PRKCSH: variants seen among roughly 807,000 people sequenced by gnomAD.
The protein encoded by PRKCSH is glucosidase 2 subunit beta.
In PRKCSH, 42 loss-of-function variants were observed where a neutral mutation model predicts 79.7. That is an observed-to-expected ratio of 0.53 (90% CI 0.41 to 0.68). The LOEUF is 0.68. Among genes scored for constraint, PRKCSH ranks in the 30% least tolerant of loss-of-function variants. The pLI, the probability that PRKCSH is intolerant of heterozygous loss-of-function variation, is 0.00. For missense variants in PRKCSH, 686 were observed against 709.0 expected (o/e 0.97, Z 0.37); for synonymous variants, 325 against 288.2 (o/e 1.13, Z -1.29).
chr19:11,446,539 G>A (rs1366820794), intron 9 of PRKCSH, among the ~76,000 whole-genome samples, 189 bp downstream of exon 9: 2 of 151,966 alleles, frequency 1.3e-5, no homozygotes, highest in Non-Finnish European at 2.9e-5. Context: ...GGTCGCGCTG[G>A]AGCCCGTTTC....
In PRKCSH at chr19:11,449,492, A is replaced by G. The variant is rs1970489774; in HGVS notation, c.*16+64A>G. On this transcript the variant is annotated intron_variant, in intron 17 of 17. Coordinates refer to ENST00000677123, the MANE Select transcript of PRKCSH (RefSeq NM_001289104.2). This position sits in a 1 kb window ranked among gnomAD's most constrained non-coding sequence, Gnocchi z 6.4. ...AAGGGGAGGCGGCGGGCCCTGAGGA[A>G]GATGGACCCACATGGCCACTCTATC... 12 of 1,600,100 alleles carry G rather than the reference A, an allele frequency of 7.5e-6. No homozygotes were observed. The highest frequency in any genetic ancestry group is 1.0e-5 in the Non-Finnish European group (12 of 1,170,256).
chr19:11,441,249 C>T lies in PRKCSH; in HGVS notation c.360C>T (p.Gly120=), dbSNP rs758286411. The T allele has an allele frequency of 1.9e-6, 3 of 1,613,958 alleles. No individual in the cohort carries two copies. The highest frequency in any genetic ancestry group is 1.1e-5 in the South Asian group (1 of 91,066). The change falls in exon 6 of 18, where the codon GGC becomes GGT. Residue 120 remains glycine, a synonymous_variant. Transcript: ENST00000677123. The stretch of plus-strand genomic sequence containing the variant: ...TGTCTCCGCACCGCAGAGAGAAGGG[C>T]CGTAAGGAGAGAGAGTCCCTGCAGC... ...VICENTCKEK[G]RKERESLQQM... is the part of the protein sequence containing the mutation.
chr19:11,435,695 C>T lies in PRKCSH; in HGVS notation c.-89C>T. Reference sequence around the variant, plus strand: ...GGGGTGCGGTGGATACTGACCTTTGCTCCGGCCTCGTGTAGGTGTGAACGA... The same window carrying T: ...GGGGTGCGGTGGATACTGACCTTTGTTCCGGCCTCGTGTAGGTGTGAACGA... On this transcript the variant is annotated 5_prime_UTR_variant, in exon 1 of 18. Transcript: ENST00000677123. 7.6e-7 allele frequency: 1 copy of T among 1,312,920 alleles called. No homozygotes were observed. Among genetic ancestry groups the T allele is most frequent in the Non-Finnish European group, 9.9e-7 (1 of 1,005,090 alleles). 81.3% of individuals were successfully genotyped at this position (1,312,920 alleles called of 1,614,324 possible).
rs1415406486 is a variant in PRKCSH, at chr19:11,445,540, G to T, written c.683+67G>T. ...CTGGGTTTCCCTCCCCGCCACCCTC[G>T]CCTCTAGAAACCAGCCAGATCCTCC... On this transcript the variant is annotated intron_variant, in intron 8 of 17. Coordinates refer to ENST00000677123, the MANE Select transcript of PRKCSH (RefSeq NM_001289104.2). 1.5e-5 allele frequency: 22 copies of T among 1,507,912 alleles called. No individual in the cohort carries two copies. The Admixed American group carries it at 3.4e-4, about 24-fold the overall frequency. 93.4% of individuals were successfully genotyped at this position (1,507,912 alleles called of 1,614,324 possible).
intron 7 of PRKCSH, among the ~76,000 whole-genome samples, chr19:11,443,664 C>G (rs1970167522): frequency 6.6e-6 from 1 of 151,918 alleles, no homozygotes; most frequent in South Asian, 2.1e-4. Context: ...GAGCTGAGAT[C>G]TCGCCACTGC....
chr19:11,448,782 G>A lies in PRKCSH; in HGVS notation c.1287-132G>A. On this transcript the variant is annotated intron_variant, in intron 14 of 17. Transcript: ENST00000677123. This position sits in a 1 kb window ranked among gnomAD's most constrained non-coding sequence, Gnocchi z 4.4. The stretch of plus-strand genomic sequence containing the variant: ...TATTGAGGGGGAGCAGAAGCCAGGG[G>A]CCAGGTTTAGGGTTGGTCATTGGAG... The A allele has an allele frequency of 7.4e-7, 1 of 1,352,346 alleles. No individual in the cohort carries two copies. The highest frequency in any genetic ancestry group is 1.1e-6 in the Non-Finnish European group (1 of 947,742). The allele number at this position is 1,352,346 out of a possible 1,614,324, so 83.8% of individuals were successfully genotyped here. A position where few individuals can be genotyped will look rare whatever the true frequency, so the allele number is the denominator to read the frequency against.
rs774757229 is a variant in PRKCSH, at chr19:11,448,286, C to T, written c.1191C>T (p.Ser397=). 16 of 1,572,888 alleles carry T rather than the reference C, an allele frequency of 1.0e-5. No homozygotes were observed. The East Asian group carries it at 3.5e-4, about 34-fold the overall frequency. Reference sequence around the variant, plus strand: ...GGTCGCTGAAGGACATGGAGGAGTCCATCAGGTAGCGGGGGCTGAGGAGCG... The same window carrying T: ...GGTCGCTGAAGGACATGGAGGAGTCTATCAGGTAGCGGGGGCTGAGGAGCG... ...AERSLKDMEE[S]IRNLEQEISF... The change falls in exon 13 of 18, where the codon TCC becomes TCT. Residue 397 remains serine, a synonymous_variant. Transcript: ENST00000677123. This position sits in a 1 kb window ranked among gnomAD's most constrained non-coding sequence, Gnocchi z 4.4.
chr19:11,436,014 T>C lies in PRKCSH; in HGVS notation c.-77-27T>C, dbSNP rs1205237267. 5 of 1,496,548 alleles carry C rather than the reference T, an allele frequency of 3.3e-6. No homozygotes were observed. In the East Asian group the frequency reaches 1.1e-4, roughly 34 times the overall value. The allele number at this position is 1,496,548 out of a possible 1,614,324, so 92.7% of individuals were successfully genotyped here. Reference sequence around the variant, plus strand: ...TTGGCTGGAAGTAGCCCTCTCCCACTGACCGGGATCCGCTTTCTTCCTGCA... The same window carrying C: ...TTGGCTGGAAGTAGCCCTCTCCCACCGACCGGGATCCGCTTTCTTCCTGCA... On this transcript the variant is annotated intron_variant, in intron 1 of 17. Coordinates refer to ENST00000677123, the MANE Select transcript of PRKCSH (RefSeq NM_001289104.2).
chr19:11,444,130 G>C (rs1217534021), intron 7 of PRKCSH, among the ~76,000 whole-genome samples: 1 of 152,196 alleles, frequency 6.6e-6, no homozygotes, highest in Non-Finnish European at 1.5e-5. Context: ...CTAGAGCCTG[G>C]TGTTTTTTGG....
chr19:11,446,153 T>G (rs1037763745), intron 8 of PRKCSH, 119 bp from the exon 9 acceptor site: 8 of 1,073,088 alleles, frequency 7.5e-6, no homozygotes, highest in Non-Finnish European at 9.7e-6. Context: ...CACCTTGAGG[T>G]CCTGAAGCAA....
chr19:11,442,263 C>T, intron 6 of PRKCSH, 123 bp from the exon 7 acceptor site: 2 of 1,409,734 alleles, frequency 1.4e-6, no homozygotes, highest in Non-Finnish European at 1.9e-6. Context: ...GGAGAGAGAC[C>T]CAGCTTGGTG....
intron 6 of PRKCSH, among the ~76,000 whole-genome samples, chr19:11,442,110 G>A (rs1161384878): frequency 6.6e-6 from 1 of 152,190 alleles, no homozygotes; most frequent in African/African-American, 2.4e-5. Flanking sequence ...TCTGAATGTT[G>A]TCAGGGCGAC....
intron 5 of PRKCSH, among the ~76,000 whole-genome samples, chr19:11,439,614 T>C (rs1175916478): frequency 7.7e-6 from 1 of 129,234 alleles, no homozygotes; most frequent in East Asian, 2.2e-4. Flanking sequence ...TCTTTTTTTT[T>C]TTTTTTTTTT....
intron 6 of PRKCSH, among the ~76,000 whole-genome samples, chr19:11,442,124 A>C (rs976682991): frequency 2.0e-5 from 3 of 152,150 alleles, no homozygotes; most frequent in African/African-American, 7.2e-5. Flanking sequence ...GGGCGACTGG[A>C]TCCTAGTAAG....
Position 11,447,554 on chromosome 19 carries a change from AG to A in PRKCSH, c.967del (p.Glu323LysfsTer69). ...TEEEEEEEEE[E>X]EEEAEEEEEE... Reference sequence around the variant, plus strand: ...GAGGAGGAGGAGGAGGAGGAGGAGGAGGAAGAAGAGGCTGAAGAAGAGGAGG... The same window carrying A: ...GAGGAGGAGGAGGAGGAGGAGGAGGAGAAGAAGAGGCTGAAGAAGAGGAGG... On this transcript the variant is annotated frameshift_variant, in exon 11 of 18. Transcript: ENST00000677123. LOFTEE classifies it high-confidence loss of function. The surrounding 1 kb of genome is among the most constrained non-coding windows in gnomAD (Gnocchi z 5.6). The A allele has an allele frequency of 6.2e-7, 1 of 1,603,062 alleles. No homozygotes were observed. Among genetic ancestry groups the A allele is most frequent in the Non-Finnish European group, 8.5e-7 (1 of 1,173,590 alleles).
In PRKCSH at chr19:11,438,008, AGAGGGAGG is replaced by A. The variant is rs753138146; in HGVS notation, c.292+46_293-43del. 4 of 1,613,506 alleles carry A rather than the reference AGAGGGAGG, an allele frequency of 2.5e-6. No homozygotes were observed. In the African/African-American group the frequency reaches 5.3e-5, roughly 22 times the overall value. ...TGCACCAGGATTCTGGAAAGGTGGT[AGAGGGAGG>A]GAGGGAGGAGGCACTGCCAGGTCTG... On this transcript the variant is annotated intron_variant, in intron 4 of 17. Coordinates refer to ENST00000677123, the MANE Select transcript of PRKCSH (RefSeq NM_001289104.2).
rs1156723914 is a variant in PRKCSH at position 11,437,797 on chromosome 19, G to A, written c.197-79G>A. The A allele has an allele frequency of 2.4e-6, 3 of 1,234,952 alleles. No homozygotes were observed. In the Admixed American group the frequency reaches 5.0e-5, roughly 21 times the overall value. 76.5% of individuals were successfully genotyped at this position (1,234,952 alleles called of 1,614,324 possible). A position where few individuals can be genotyped will look rare whatever the true frequency, so the allele number is the denominator to read the frequency against. On this transcript the variant is annotated intron_variant, in intron 3 of 17. Coordinates refer to ENST00000677123, the MANE Select transcript of PRKCSH (RefSeq NM_001289104.2). ...TTGTGCTGTGTGCAGTGTGGGTCAG[G>A]GGCTCTTATCTGTGGATGGATGGGA...
chr19:11,435,770 AT>A, intron 1 of PRKCSH, 64 bp downstream of exon 1: 1 of 1,386,348 alleles, frequency 7.2e-7, no homozygotes, highest in Non-Finnish European at 9.5e-7. Flanking sequence ...CGGAGGGTGC[AT>A]GTGTGGGTGT....
Position 11,447,960 on chromosome 19 carries a change from G to T in PRKCSH, c.1126+171G>T. 2.3e-6 allele frequency: 2 copies of T among 870,840 alleles called. No individual in the cohort carries two copies. The highest frequency in any genetic ancestry group is 3.5e-6 in the Non-Finnish European group (2 of 578,814). The allele number at this position is 870,840 out of a possible 1,614,324, so 53.9% of individuals were successfully genotyped here. A position where few individuals can be genotyped will look rare whatever the true frequency, so the allele number is the denominator to read the frequency against. ...CCTAGGGTAAGCCAGTCCCACCCTC[G>T]CCAGCCCCAAGGGGCCCTTCTGCCT... is the stretch of plus-strand genomic sequence containing the variant. On this transcript the variant is annotated intron_variant, in intron 12 of 17. Coordinates refer to ENST00000677123, the MANE Select transcript of PRKCSH (RefSeq NM_001289104.2). The surrounding 1 kb of genome is among the most constrained non-coding windows in gnomAD (Gnocchi z 5.6).
Sources: allele counts gnomAD v4.1 joint callset (sites outside exome capture counted in the v4.1 genomes callset), GRCh38; gene constraint gnomAD v4.1.1; non-coding constraint Gnocchi (gnomAD v3.1); transcripts MANE v1.5; gene names NCBI Gene and HGNC (gene_info 2026-07-23, HGNC 2026-07-21).